GOLGA5: variants seen among roughly 807,000 people sequenced by gnomAD.
The protein encoded by GOLGA5 is golgin A5.
GOLGA5 carries 50 observed loss-of-function variants against 93.5 expected under a neutral mutation model. That is an observed-to-expected ratio of 0.53 (90% confidence interval 0.43 to 0.68). GOLGA5 has a LOEUF of 0.68. Ranked by LOEUF, GOLGA5 falls within the 30% of genes least tolerant of loss-of-function variation. The pLI, the probability that GOLGA5 is intolerant of heterozygous loss-of-function variation, is 0.00. For missense variants in GOLGA5, 760 were observed against 856.4 expected, an observed-to-expected ratio of 0.89 and a Z score of 1.40; for synonymous variants, 312 against 304.5, an observed-to-expected ratio of 1.02 and a Z score of -0.26.
chr14:92,810,674 G>C (rs139914232), intron 5 of GOLGA5: 81 of 179,292 alleles, frequency 4.5e-4, no homozygotes, highest in Admixed American at 1.3e-3. Flanking sequence ...TTGGGGGATC[G>C]TATTTGTTTT....
intron 10 of GOLGA5, 90 bp downstream of exon 10, chr14:92,833,437 C>T (rs557663231): frequency 2.1e-6 from 2 of 949,324 alleles, no homozygotes; most frequent in Non-Finnish European, 1.7e-6. Context: ...AAAGAAACTT[C>T]ATCCAGTGAA....
At chr14:92,839,309 G>GCCTTTGGTAAAAATTGGTTTATTGGCTAA in intron 12 of GOLGA5, 57 bp from the exon 13 acceptor site, 4 of 1,067,770 alleles carry the variant, frequency 3.7e-6, no homozygotes, top group Non-Finnish European at 5.8e-6. Flanking sequence ...TGTACAGTGG[G>GCCTTTGGTAAAAATTGGTTTATTGGCTAA]CCTTTGGTAA....
chr14:92,821,008 G>A (rs554023170), intron 8 of GOLGA5, among the ~76,000 whole-genome samples: 1 of 152,246 alleles, frequency 6.6e-6, no homozygotes, highest in African/African-American at 2.4e-5. Context: ...TTTTTTAACA[G>A]ATGAGAAATG....
rs192726370 is a variant in GOLGA5, at chr14:92,814,570, A to T, written c.1321-1681A>T. 5.4e-3 allele frequency among the ~76,000 whole-genome samples: 815 copies of T among 151,794 alleles called. 5 individuals are homozygous for T. The highest frequency in any genetic ancestry group is 0.019 in the African/African-American group (784 of 41,184). ...GTTGGGAGGTTTCTGGTTTTTTATT[A>T]AAAAAAATCTTAAAATGTTATAAAT... On this transcript the variant is annotated intron_variant, in intron 6 of 12. Transcript: ENST00000163416.
At chr14:92,806,254 A>T (rs570055592) in intron 2 of GOLGA5, among the ~76,000 whole-genome samples, 68 of 152,326 alleles carry the variant, frequency 4.5e-4, no homozygotes, top group South Asian at 8.3e-4. Context: ...AGAGGTCCAT[A>T]TGCCCCATTT....
chr14:92,826,712 GA>G (rs888851958), intron 9 of GOLGA5, among the ~76,000 whole-genome samples: 5 of 146,770 alleles, frequency 3.4e-5, no homozygotes, highest in African/African-American at 5.0e-5. Context: ...AAAAAAAAAA[GA>G]AAAAAAAGAA....
intron 8 of GOLGA5, among the ~76,000 whole-genome samples, chr14:92,820,129 G>A (rs1383260486): frequency 1.3e-5 from 2 of 152,156 alleles, no homozygotes; most frequent in African/African-American, 2.4e-5. Flanking sequence ...GACCTTCACC[G>A]GCACCGGTCT....
chr14:92,806,609 A>C, intron 2 of GOLGA5, 127 bp from the exon 3 acceptor site: 1 of 661,044 alleles, frequency 1.5e-6, no homozygotes, highest in Non-Finnish European at 2.7e-6. Context: ...CACCGCGCCT[A>C]GCTGAGAATT....
intron 12 of GOLGA5, 127 bp from the exon 13 acceptor site, chr14:92,839,239 A>G: frequency 1.6e-6 from 1 of 628,372 alleles, no homozygotes; most frequent in South Asian, 2.0e-5. Flanking sequence ...TGTTTCATTC[A>G]TTCCTTCATG....
At chr14:92,829,702 A>G (rs945112825) in intron 9 of GOLGA5, among the ~76,000 whole-genome samples, 5 of 152,232 alleles carry the variant, frequency 3.3e-5, no homozygotes, top group Non-Finnish European at 5.9e-5. Context: ...GACAACAAAG[A>G]ATTTAGAATA....
chr14:92,831,053 G>A (rs1885521153), intron 9 of GOLGA5, among the ~76,000 whole-genome samples: 1 of 152,156 alleles, frequency 6.6e-6, no homozygotes, highest in African/African-American at 2.4e-5. Flanking sequence ...GGTGCTCAGA[G>A]TCATCACTAA....
At chr14:92,835,941 A>T (rs369476199) in intron 11 of GOLGA5, among the ~76,000 whole-genome samples, 99,429 of 151,834 alleles carry the variant, frequency 0.65, 33,008 homozygotes, top group African/African-American at 0.77. Flanking sequence ...CCCTGACTGT[A>T]TCTCTTTTTT....
At chr14:92,798,117 G>C in intron 2 of GOLGA5, 136 bp downstream of exon 2, 1 of 656,764 alleles carries the variant, frequency 1.5e-6, no homozygotes. Context: ...GCAAATGTGT[G>C]GTGTAAACAA....
At position 92,811,683 on chromosome 14, in the gene GOLGA5, T is replaced by C; in HGVS notation, c.1249T>C (p.Tyr417His). Residue 417 changes from tyrosine to histidine, a missense_variant, in exon 6 of 13, where the codon TAT (tyrosine) becomes CAT (histidine). Coordinates refer to ENST00000163416, the MANE Select transcript of GOLGA5 (RefSeq NM_005113.4). ...VDELQQQVKLYKLNLESSKQE... is the reference protein window; with the variant it reads ...VDELQQQVKLHKLNLESSKQE... ...TGAACTGCAGCAGCAAGTCAAGCTG[T>C]ATAAGTTGAACTTGGAGTCCTCTAA... The C allele has an allele frequency of 6.2e-7, 1 of 1,613,064 alleles. No individual in the cohort carries two copies. The highest frequency in any genetic ancestry group is 8.5e-7 in the Non-Finnish European group (1 of 1,179,410).
chr14:92,795,372 T>A (rs372493932), intron 1 of GOLGA5, among the ~76,000 whole-genome samples: 5 of 152,316 alleles, frequency 3.3e-5, no homozygotes, highest in African/African-American at 1.2e-4. Context: ...CTTCTTGAGG[T>A]TTTTTAGATT....
rs545389975 is a variant in GOLGA5 at position 92,817,076 on chromosome 14, G to A, written c.1491+655G>A. ...CTGCCTCAGCCTCTTGAGTAGCTGG[G>A]ATTACAGACGTGCGCCACCACACCT... On this transcript the variant is annotated intron_variant, in intron 7 of 12. Coordinates refer to ENST00000163416, the MANE Select transcript of GOLGA5 (RefSeq NM_005113.4). 5.0e-4 allele frequency among the ~76,000 whole-genome samples: 76 copies of A among 152,100 alleles called. 2 individuals are homozygous for A. In the South Asian group the frequency reaches 9.0e-3, roughly 18 times the overall value.
chr14:92,830,389 A>AT (rs558937480), intron 9 of GOLGA5, among the ~76,000 whole-genome samples: 37 of 127,564 alleles, frequency 2.9e-4, no homozygotes, highest in African/African-American at 1.0e-3. Flanking sequence ...TCATTATGAG[A>AT]TTTTTTTTGT....
At chr14:92,817,953 C>T (rs1388929164) in intron 7 of GOLGA5, among the ~76,000 whole-genome samples, 1 of 151,882 alleles carries the variant, frequency 6.6e-6, no homozygotes, top group African/African-American at 2.4e-5. Context: ...TGTAATAGAC[C>T]CTCAGTTAAA....
chr14:92,803,472 ATTAT>A (rs1191834175), intron 2 of GOLGA5, among the ~76,000 whole-genome samples: 2 of 152,214 alleles, frequency 1.3e-5, no homozygotes, highest in African/African-American at 4.8e-5. Context: ...TAAGACTGAG[ATTAT>A]TTATTTCCTG....
Sources: allele counts gnomAD v4.1 joint callset (sites outside exome capture counted in the v4.1 genomes callset), GRCh38; gene constraint gnomAD v4.1.1; transcripts MANE v1.5; gene names NCBI Gene and HGNC (gene_info 2026-07-23, HGNC 2026-07-21).